KCTD1: variants seen among roughly 807,000 people sequenced by gnomAD.
KCTD1 encodes potassium channel tetramerization domain containing 1, also known as BTB/POZ domain-containing protein KCTD1.
In KCTD1, 24 loss-of-function variants were observed where a neutral mutation model predicts 66.0. The ratio of observed to expected loss-of-function variants is 0.36; its 90% confidence interval spans 0.26 to 0.51. The LOEUF is 0.51. KCTD1 is among the 20% of genes least tolerant of loss of function. The probability of loss-of-function intolerance (pLI) is 0.95; values close to 1 mark genes in which losing one functional copy is unlikely to be tolerated. For missense variants in KCTD1, 943 were observed against 1,205.2 expected, an observed-to-expected ratio of 0.78 and a Z score of 3.22; for synonymous variants, 511 against 517.2, an observed-to-expected ratio of 0.99 and a Z score of 0.16.
At chr18:26,657,038 G>A (rs1177397279) in intron 1 of KCTD1, among the ~76,000 whole-genome samples, 7 of 150,930 alleles carry the variant, frequency 4.6e-5, no homozygotes, top group African/African-American at 1.5e-4. Flanking sequence ...CCGGCCCAGA[G>A]ATCCGGAAAC....
At chr18:26,628,693 A>G (rs566173857) in intron 1 of KCTD1, among the ~76,000 whole-genome samples, 1 of 152,182 alleles carries the variant, frequency 6.6e-6, no homozygotes, top group Non-Finnish European at 1.5e-5. Flanking sequence ...CAAAAAAAAT[A>G]TACCTTTAGG....
At chr18:26,590,739 A>G (rs544828237) in intron 1 of KCTD1, among the ~76,000 whole-genome samples, 1 of 152,268 alleles carries the variant, frequency 6.6e-6, no homozygotes, top group Non-Finnish European at 1.5e-5. Context: ...AACTGCCTAT[A>G]TGCATTTTTG....
intron 1 of KCTD1, among the ~76,000 whole-genome samples, chr18:26,541,394 G>A (rs777341252): frequency 6.6e-6 from 1 of 152,164 alleles, no homozygotes; most frequent in Admixed American, 6.5e-5. Flanking sequence ...TTTCACTTAC[G>A]ATACTGTAAG....
intron 1 of KCTD1, among the ~76,000 whole-genome samples, chr18:26,625,510 T>G (rs1200325484): frequency 6.6e-6 from 1 of 152,200 alleles, no homozygotes; most frequent in Admixed American, 6.5e-5. Flanking sequence ...CCTGCCACCA[T>G]GTGGAGAAGG....
At chr18:26,542,575 G>A (rs1985024551) in intron 1 of KCTD1, among the ~76,000 whole-genome samples, 1 of 152,136 alleles carries the variant, frequency 6.6e-6, no homozygotes, top group Non-Finnish European at 1.5e-5. Context: ...GCTTTGACTG[G>A]CCTGGACCCA....
At chr18:26,522,717 T>C (rs888775901) in intron 1 of KCTD1, among the ~76,000 whole-genome samples, 2 of 152,132 alleles carry the variant, frequency 1.3e-5, no homozygotes, top group Non-Finnish European at 2.9e-5. Context: ...CATGAACTAA[T>C]AATAAAAAGT....
chr18:26,481,125 G>A (rs1464224114), intron 2 of KCTD1, among the ~76,000 whole-genome samples: 1 of 152,118 alleles, frequency 6.6e-6, no homozygotes, highest in Non-Finnish European at 1.5e-5. Context: ...CAGTATTAGT[G>A]GGGGCTCACT....
chr18:26,483,385 CAGCCTCCCG>C (rs2144621997), intron 2 of KCTD1, among the ~76,000 whole-genome samples: 1 of 152,298 alleles, frequency 6.6e-6, no homozygotes, highest in South Asian at 2.1e-4. Flanking sequence ...TCTCCTGCCT[CAGCCTCCCG>C]AGTAGCTGGG....
intron 1 of KCTD1, among the ~76,000 whole-genome samples, chr18:26,511,849 G>T (rs187419545): frequency 6.6e-6 from 1 of 152,242 alleles, no homozygotes; most frequent in East Asian, 1.9e-4. Flanking sequence ...AGGCTTAGAA[G>T]GAGGGTCAGT....
At chr18:26,544,769 C>CA (rs951800827) in intron 1 of KCTD1, 2 of 152,216 alleles carry the variant, frequency 1.3e-5, no homozygotes, top group Non-Finnish European at 2.9e-5. Context: ...TTCGACTGCT[C>CA]AGACTTCATA....
intron 2 of KCTD1, among the ~76,000 whole-genome samples, chr18:26,494,802 T>A (rs1391925425): frequency 6.6e-6 from 1 of 152,174 alleles, no homozygotes; most frequent in Non-Finnish European, 1.5e-5. Context: ...CTCCATAAAC[T>A]AACTTTTTTT....
At chr18:26,601,328 A>T (rs929474032) in intron 1 of KCTD1, among the ~76,000 whole-genome samples, 1,946 of 126,056 alleles carry the variant, frequency 0.015, 49 homozygotes, top group African/African-American at 0.052. Flanking sequence ...TTCATTGGTA[A>T]AAAAAAAAAA....
intron 1 of KCTD1, among the ~76,000 whole-genome samples, chr18:26,579,062 G>A (rs568450212): frequency 1.1e-4 from 16 of 151,256 alleles, no homozygotes; most frequent in South Asian, 4.2e-4. Context: ...TTTTCAGTCC[G>A]CCAAATACTG....
intron 1 of KCTD1, among the ~76,000 whole-genome samples, chr18:26,607,805 T>C (rs1987050449): frequency 6.6e-6 from 1 of 152,216 alleles, no homozygotes; most frequent in African/African-American, 2.4e-5. Flanking sequence ...TCTTACTCTG[T>C]CATCCAGGCT....
chr18:26,601,377 A>T lies in KCTD1; in HGVS notation c.-16+27770T>A, dbSNP rs373472687. Among the ~76,000 whole-genome samples, 39 of 151,760 alleles carry T rather than the reference A, an allele frequency of 2.6e-4. 1 individual carries two copies. Among genetic ancestry groups the T allele is most frequent in the African/African-American group, 9.4e-4 (39 of 41,376 alleles). ...AAGAAATTCAATTGACCATAAATGT[A>T]AAGGCATACTTCTGGACTCTCAGTT... On this transcript the variant is annotated intron_variant, in intron 1 of 4. Transcript: ENST00000317932.
chr18:26,503,612 G>T, intron 1 of KCTD1, among the ~76,000 whole-genome samples: 1 of 152,128 alleles, frequency 6.6e-6, no homozygotes, highest in East Asian at 1.9e-4. Flanking sequence ...TATCCTGCCT[G>T]AGGGTGCTCA....
At chr18:26,516,057 A>G (rs1983639786) in intron 1 of KCTD1, among the ~76,000 whole-genome samples, 1 of 152,142 alleles carries the variant, frequency 6.6e-6, no homozygotes, top group African/African-American at 2.4e-5. Context: ...GGAAGCAGGA[A>G]AGGGACAGAC....
upstream of KCTD1, among the ~76,000 whole-genome samples, chr18:26,632,856 T>C (rs1987650273): frequency 6.6e-6 from 1 of 152,118 alleles, no homozygotes; most frequent in Non-Finnish European, 1.5e-5. Flanking sequence ...AAATGGAATA[T>C]GGCATAAAAT....
At chr18:26,656,578 A>G (rs1283539208) in intron 1 of KCTD1, among the ~76,000 whole-genome samples, 2 of 150,644 alleles carry the variant, frequency 1.3e-5, no homozygotes, top group African/African-American at 4.9e-5. Flanking sequence ...GCGGCCCACA[A>G]AGGGGAGCGG....
Sources: gnomAD v4.1 joint callset for allele counts (sites outside exome capture counted in the v4.1 genomes callset) on GRCh38, gnomAD v4.1.1 for gene constraint, MANE v1.5 for transcripts, NCBI Gene and HGNC (gene_info 2026-07-23, HGNC 2026-07-21) for gene names.